Variants in PCDHA4 observed in about 807,000 individuals in gnomAD.
PCDHA4 encodes protocadherin alpha 4.
PCDHA4 carries 49 observed loss-of-function variants against 61.4 expected under a neutral mutation model. The observed-to-expected ratio is 0.80, with a 90% CI of 0.63 to 1.01. PCDHA4 has a LOEUF of 1.01. Among genes scored for constraint, PCDHA4 ranks in the 50% least tolerant of loss-of-function variants. The pLI is 0.00. For synonymous variants in PCDHA4, 590 were observed against 550.3 expected, an observed-to-expected ratio of 1.07 and a Z score of -1.01; for missense variants, 1,254 against 1,235.8, an observed-to-expected ratio of 1.01 and a Z score of -0.22.
intron 1 of PCDHA4, chr5:140,834,370 G>A: frequency 6.4e-7 from 1 of 1,557,934 alleles, no homozygotes; most frequent in East Asian, 2.3e-5. Context: ...AGAAAAACAA[G>A]CCAATAATTT....
chr5:140,808,304 A>T lies in PCDHA4; in HGVS notation c.1117A>T (p.Ser373Cys). 6.2e-7 allele frequency: 1 copy of T among 1,614,268 alleles called. No individual in the cohort carries two copies. The highest frequency in any genetic ancestry group is 8.5e-7 in the Non-Finnish European group (1 of 1,180,048). The change falls in exon 1 of 4, where the codon AGC becomes TGC. Residue 373 changes from serine (S) to cysteine (C), a missense_variant. By Grantham distance (112) the Ser-to-Cys change is moderately radical. Coordinates refer to ENST00000530339, the MANE Select transcript of PCDHA4 (RefSeq NM_018907.4). The stretch of plus-strand genomic sequence containing the variant: ...ACTGGGTACAGTCATCGCCCTGATC[A>T]GCGTGTCCGACAAAGACATGGGTGT... ...APLGTVIALI[S>C]VSDKDMGVNG...
intron 1 of PCDHA4, chr5:140,968,969 A>G (rs1554231287): frequency 1.9e-6 from 3 of 1,614,230 alleles, no homozygotes; most frequent in Non-Finnish European, 2.5e-6. Context: ...CTACCGCTAC[A>G]CTGCGTATGG....
At chr5:140,936,640 C>T (rs782162757) in intron 1 of PCDHA4, among the ~76,000 whole-genome samples, 2 of 152,208 alleles carry the variant, frequency 1.3e-5, no homozygotes, top group Non-Finnish European at 2.9e-5. Flanking sequence ...TCATAAGCAA[C>T]GTGACTTTAT....
intron 1 of PCDHA4, chr5:140,850,313 G>C (rs113332257): frequency 1.3e-6 from 2 of 1,597,364 alleles, no homozygotes; most frequent in African/African-American, 1.3e-5. Context: ...ACAACGCGTG[G>C]CTTTCATACG....
At chr5:140,877,097 T>G in intron 1 of PCDHA4, 1 of 1,613,308 alleles carries the variant, frequency 6.2e-7, no homozygotes. Context: ...GACGCCGGCG[T>G]GCCGCCTCTG....
At chr5:140,830,200 C>T (rs2150182679) in intron 1 of PCDHA4, 2 of 1,613,764 alleles carry the variant, frequency 1.2e-6, no homozygotes, top group Non-Finnish European at 1.7e-6. Flanking sequence ...TGATCATCGC[C>T]ATCTGCGCGG....
intron 1 of PCDHA4, chr5:140,849,828 G>A (rs2150452288): frequency 2.5e-6 from 4 of 1,598,564 alleles, no homozygotes; most frequent in East Asian, 2.2e-5. Flanking sequence ...GTCTGTGGAG[G>A]TGGCCGACGT....
intron 1 of PCDHA4, 52 bp downstream of exon 1, chr5:140,809,624 ACTT>A (rs781811577): frequency 6.6e-7 from 1 of 1,507,658 alleles, no homozygotes; most frequent in Non-Finnish European, 8.9e-7. Flanking sequence ...TTCTCTATCA[ACTT>A]CTTCGTAAAT....
In PCDHA4 at chr5:140,929,760, G is replaced by A. The variant is rs139688975; in HGVS notation, c.2386-49189G>A. 1,459 of 180,340 alleles carry A rather than the reference G, an allele frequency of 8.1e-3. 10 individuals carry two copies. Among genetic ancestry groups the A allele is most frequent in the African/African-American group, 0.019 (807 of 42,220 alleles). The allele number at this position is 180,340 out of a possible 1,614,324, so 11.2% of individuals were successfully genotyped here. A position where few individuals can be genotyped will look rare whatever the true frequency, so the allele number is the denominator to read the frequency against. Reference sequence around the variant, plus strand: ...TTGCAATGCATTATTAAAAGATGACGATAACCACAAAAGATGTAAAAATAA... The same window carrying A: ...TTGCAATGCATTATTAAAAGATGACAATAACCACAAAAGATGTAAAAATAA... On this transcript the variant is annotated intron_variant, in intron 1 of 3. Transcript: ENST00000530339.
chr5:140,956,678 A>C (rs1442214825), intron 1 of PCDHA4, among the ~76,000 whole-genome samples: 2 of 152,104 alleles, frequency 1.3e-5, no homozygotes, highest in Non-Finnish European at 2.9e-5. Context: ...GTTAGGGAGG[A>C]GTACCTCCTT....
At chr5:140,871,658 C>G in intron 1 of PCDHA4, 2 of 1,224,216 alleles carry the variant, frequency 1.6e-6, no homozygotes, top group Non-Finnish European at 2.2e-6. Context: ...TGATACACAT[C>G]TTCAGTCTTT....
At chr5:140,836,147 C>T in intron 1 of PCDHA4, 1 of 1,613,754 alleles carries the variant, frequency 6.2e-7, no homozygotes, top group African/African-American at 1.3e-5. Flanking sequence ...TGGGCGCGGG[C>T]CATGTGGTGG....
At chr5:140,823,676 G>A (rs2150128163) in intron 1 of PCDHA4, 3 of 1,614,042 alleles carry the variant, frequency 1.9e-6, no homozygotes, top group Non-Finnish European at 2.5e-6. Context: ...AGCACAACAC[G>A]CTCTCTGGAT....
chr5:140,944,136 G>A (rs536816208), intron 1 of PCDHA4, among the ~76,000 whole-genome samples: 3 of 152,136 alleles, frequency 2.0e-5, no homozygotes, highest in African/African-American at 7.2e-5. Context: ...AAAGGTTGAA[G>A]ATTAGAAGAG....
At chr5:140,931,962 A>G (rs1439185046) in intron 1 of PCDHA4, among the ~76,000 whole-genome samples, 1 of 151,924 alleles carries the variant, frequency 6.6e-6, no homozygotes, top group Non-Finnish European at 1.5e-5. Context: ...AATCATGTTG[A>G]TGCATATGTG....
At position 140,835,410 on chromosome 5, in the gene PCDHA4, G is replaced by A. The variant is rs17844309; in HGVS notation, c.2385+25838G>A. On this transcript the variant is annotated intron_variant, in intron 1 of 3. Coordinates refer to ENST00000530339, the MANE Select transcript of PCDHA4 (RefSeq NM_018907.4). The stretch of plus-strand genomic sequence containing the variant: ...TACAGTTCTTGTGGAAGTTGTGGAT[G>A]TAAATGACAATGCTCCACAGTTGAC... 13,977 of 1,613,956 alleles carry A rather than the reference G, an allele frequency of 8.7e-3. 157 individuals are homozygous for A. Among genetic ancestry groups the A allele is most frequent in the East Asian group, 0.056 (2,497 of 44,848 alleles).
chr5:140,963,238 A>G (rs1347398946), intron 1 of PCDHA4, among the ~76,000 whole-genome samples: 1 of 152,090 alleles, frequency 6.6e-6, no homozygotes, highest in Non-Finnish European at 1.5e-5. Context: ...TGTTTGATGG[A>G]TTAGGTAGGT....
At chr5:140,985,832 C>T (rs760290757) in intron 3 of PCDHA4, among the ~76,000 whole-genome samples, 4 of 151,378 alleles carry the variant, frequency 2.6e-5, no homozygotes, top group African/African-American at 4.9e-5. Flanking sequence ...CTCTGCCTCC[C>T]GGGTTCATGC....
chr5:140,968,262 A>G, intron 1 of PCDHA4: 5 of 1,614,054 alleles, frequency 3.1e-6, no homozygotes, highest in Non-Finnish European at 4.2e-6. Flanking sequence ...CCAGATGAAA[A>G]GGAGAATGCA....
Sources: allele counts gnomAD v4.1 joint callset (sites outside exome capture counted in the v4.1 genomes callset), GRCh38; gene constraint gnomAD v4.1.1; transcripts MANE v1.5; gene names NCBI Gene and HGNC (gene_info 2026-07-23, HGNC 2026-07-21).